The following MRM1 variants were observed in gnomAD, a reference collection of about 807,000 sequenced individuals.
MRM1 encodes mitochondrial rRNA methyltransferase 1.
In MRM1, 24 loss-of-function variants were observed where a neutral mutation model predicts 25.0. That is an observed-to-expected ratio of 0.96 (90% CI 0.69 to 1.35). The LOEUF (loss-of-function observed/expected upper bound fraction) is 1.35, where lower values mean the gene tolerates loss of function less well. Ranked by LOEUF, MRM1 falls within the 40% of genes most tolerant of loss-of-function variation. MRM1 has a pLI of 0.00. For synonymous variants in MRM1, 188 were observed against 199.2 expected, an observed-to-expected ratio of 0.94 and a Z score of 0.47; for missense variants, 431 against 464.1, an observed-to-expected ratio of 0.93 and a Z score of 0.65.
At chr17:36,603,237 C>A in intron 2 of MRM1, 1 of 984,674 alleles carries the variant, frequency 1.0e-6, no homozygotes, top group Non-Finnish European at 1.2e-6. Flanking sequence ...AGCTCTGGGA[C>A]CTGTCTAGAA....
At chr17:36,616,338 A>G in the MRM1 span, among the ~76,000 whole-genome samples, 1 of 152,232 alleles carries the variant, frequency 6.6e-6, no homozygotes, top group African/African-American at 2.4e-5. Flanking sequence ...CAGAGGAGGC[A>G]AGTCAGAAAT....
rs747495674 is a variant in MRM1, at chr17:36,608,052, C to G, written c.889+34C>G. Reference sequence around the variant, plus strand: ...ACTCCCCTTTCCCTTTCCTCTATCCCTCTAATCACGCAGGTGGGATTTGAT... The same window carrying G: ...ACTCCCCTTTCCCTTTCCTCTATCCGTCTAATCACGCAGGTGGGATTTGAT... On this transcript the variant is annotated intron_variant, in intron 4 of 4. Transcript: ENST00000614766. 1.2e-5 allele frequency: 20 copies of G among 1,608,390 alleles called. No homozygotes were observed. In the African/African-American group the frequency reaches 2.4e-4, roughly 19 times the overall value.
Position 36,602,361 on chromosome 17 carries a change from G to A in MRM1, c.542+9G>A. The A allele has an allele frequency of 2.6e-6, 4 of 1,553,438 alleles. No individual in the cohort carries two copies. Among genetic ancestry groups the A allele is most frequent in the Non-Finnish European group, 3.5e-6 (4 of 1,146,844 alleles). ...ACCAGCCGGAGAAACAGGCACGGAC[G>A]TCCCTCATTCTCTATGTGCCCCAAC... On this transcript the variant is annotated intron_variant, in intron 1 of 4. Transcript: ENST00000614766. This position sits in a 1 kb window ranked among gnomAD's most constrained non-coding sequence, Gnocchi z 4.1.
chr17:36,621,466 C>T, the MRM1 span, among the ~76,000 whole-genome samples: 33 of 152,130 alleles, frequency 2.2e-4, no homozygotes, highest in Admixed American at 7.2e-4. Context: ...GTCCCTGTAG[C>T]TGCTGACCCT....
the MRM1 span, among the ~76,000 whole-genome samples, chr17:36,625,305 T>C: frequency 1.3e-5 from 2 of 151,190 alleles, no homozygotes; most frequent in African/African-American, 2.4e-5. Flanking sequence ...GTCTGGTTGT[T>C]TCTTCTTCTT....
chr17:36,602,095 G>T lies in MRM1; in HGVS notation c.285G>T (p.Arg95=). 6.2e-7 allele frequency: 1 copy of T among 1,611,268 alleles called. No homozygotes were observed. ...RAELLRMAEA[R]DIPVLRPRRQ... ...AGCTGCTCCGGATGGCCGAGGCGCG[G>T]GACATTCCAGTTCTGCGGCCCAGAC... The change falls in exon 1 of 5, where the codon CGG becomes CGT. Residue 95 remains arginine, a synonymous_variant. Coordinates refer to ENST00000614766, the MANE Select transcript of MRM1 (RefSeq NM_024864.5). The surrounding 1 kb of genome is among the most constrained non-coding windows in gnomAD (Gnocchi z 4.1).
At chr17:36,627,674 GTT>G in the MRM1 span, among the ~76,000 whole-genome samples, 3 of 83,726 alleles carry the variant, frequency 3.6e-5, no homozygotes, top group Non-Finnish European at 6.7e-5. Context: ...TTTGGACACT[GTT>G]TTTTTTTTTT....
Position 36,608,742 on chromosome 17 carries a change from G to A in MRM1, c.*327G>A. ...CAGAGAGGCAGGCAGCCCAGCCCAG[G>A]GGACCCGTTCCTCTTGAACCAGTCA... is the stretch of plus-strand genomic sequence containing the variant. On this transcript the variant is annotated 3_prime_UTR_variant, in exon 5 of 5. Coordinates refer to ENST00000614766, the MANE Select transcript of MRM1 (RefSeq NM_024864.5). The A allele has an allele frequency of 3.2e-6, 1 of 316,396 alleles. No individual in the cohort carries two copies. The highest frequency in any genetic ancestry group is 5.8e-6 in the Non-Finnish European group (1 of 173,450). The allele number at this position is 316,396 out of a possible 1,614,324, so 19.6% of individuals were successfully genotyped here.
At chr17:36,613,445 GC>G, downstream of MRM1, among the ~76,000 whole-genome samples, 1 of 152,162 alleles carries the variant, frequency 6.6e-6, no homozygotes. Flanking sequence ...GAGCCGCTCA[GC>G]CACTCCCTCC....
chr17:36,619,956 GGCATCTT>G, the MRM1 span, among the ~76,000 whole-genome samples: 1 of 152,004 alleles, frequency 6.6e-6, no homozygotes, highest in Admixed American at 6.6e-5. Context: ...TGTGATGTCG[GGCATCTT>G]TTCATAGGCT....
At chr17:36,631,688 T>C in the MRM1 span, among the ~76,000 whole-genome samples, 1 of 152,192 alleles carries the variant, frequency 6.6e-6, no homozygotes, top group Non-Finnish European at 1.5e-5. Context: ...TGGCAGTTCA[T>C]GTTAGGAGTC....
At chr17:36,622,013 T>C in the MRM1 span, among the ~76,000 whole-genome samples, 2 of 152,162 alleles carry the variant, frequency 1.3e-5, no homozygotes, top group African/African-American at 4.8e-5. Context: ...CAGGTGTGTT[T>C]GCGTGACTGC....
the MRM1 span, among the ~76,000 whole-genome samples, chr17:36,626,760 G>A: frequency 1.1e-4 from 16 of 152,344 alleles, no homozygotes; most frequent in South Asian, 3.1e-3. Flanking sequence ...GACAGACTAA[G>A]GCTTAGAGCA....
chr17:36,625,138 C>T, the MRM1 span, among the ~76,000 whole-genome samples: 6 of 152,144 alleles, frequency 3.9e-5, no homozygotes, highest in African/African-American at 9.7e-5. Context: ...GGAGTGAGTT[C>T]CAGTAGGCTC....
At chr17:36,610,358 G>C (rs2028070), downstream of MRM1, among the ~76,000 whole-genome samples, 2 of 151,430 alleles carry the variant, frequency 1.3e-5, no homozygotes, top group African/African-American at 4.9e-5. Flanking sequence ...TCAGCCTCCT[G>C]AGTAGCTGGG....
rs1385740690 is a variant in MRM1 at position 36,601,894 on chromosome 17, G to A, written c.84G>A (p.Glu28=). 1 of 1,610,910 alleles carries A rather than the reference G, an allele frequency of 6.2e-7. No individual in the cohort carries two copies. Among genetic ancestry groups the A allele is most frequent in the South Asian group, 1.1e-5 (1 of 91,018 alleles). ...TCTCCCATGCAGCGCGGCATGGGGAGCGGCCTGGTGGGGAGGAGCTAAGCC... is the reference window on the plus strand; with the variant it reads ...TCTCCCATGCAGCGCGGCATGGGGAACGGCCTGGTGGGGAGGAGCTAAGCC... ...RHFSHAARHG[E]RPGGEELSRL... is the part of the protein sequence containing the mutation. Residue 28 remains glutamate, a synonymous_variant, in exon 1 of 5, where the codon GAG becomes GAA. Coordinates refer to ENST00000614766, the MANE Select transcript of MRM1 (RefSeq NM_024864.5).
the MRM1 span, among the ~76,000 whole-genome samples, chr17:36,630,182 G>A: frequency 0.34 from 51,367 of 152,020 alleles, 9,028 homozygotes; most frequent in East Asian, 0.51. Context: ...GCCAGTTTGC[G>A]GAAGTGGCAT....
chr17:36,633,907 G>T, the MRM1 span, among the ~76,000 whole-genome samples: 2 of 152,168 alleles, frequency 1.3e-5, no homozygotes, highest in Non-Finnish European at 2.9e-5. Flanking sequence ...TGAATTCCAG[G>T]TGACTCTCCG....
the MRM1 span, among the ~76,000 whole-genome samples, chr17:36,628,647 C>T: frequency 2.6e-5 from 4 of 152,182 alleles, no homozygotes; most frequent in East Asian, 3.9e-4. Flanking sequence ...ACTGACTCAG[C>T]GATGGAGGCC....
Sources: allele counts gnomAD v4.1 joint callset (sites outside exome capture counted in the v4.1 genomes callset), GRCh38; gene constraint gnomAD v4.1.1; non-coding constraint Gnocchi (gnomAD v3.1); transcripts MANE v1.5; gene names NCBI Gene and HGNC (gene_info 2026-07-23, HGNC 2026-07-21).